BIRC6: variants seen among roughly 807,000 people sequenced by gnomAD.
BIRC6 encodes the protein baculoviral IAP repeat containing 6, also known as dual E2 ubiquitin-conjugating enzyme/E3 ubiquitin-protein ligase BIRC6.
Under a neutral mutation model 503.3 loss-of-function variants are expected in BIRC6, and 98 were observed. That is an observed-to-expected ratio of 0.19 (90% CI 0.17 to 0.23). The LOEUF is 0.23. Ranked by LOEUF, BIRC6 falls within the 10% of genes least tolerant of loss-of-function variation. The pLI, the probability that BIRC6 is intolerant of heterozygous loss-of-function variation, is 1.00. For synonymous variants in BIRC6, 2,240 were observed against 2,078.7 expected (o/e 1.08, Z -2.11); for missense variants, 5,360 against 5,806.0 (o/e 0.92, Z 2.50).
In BIRC6 at chr2:32,571,378, CT is replaced by C. The variant is rs61599835; in HGVS notation, c.13145-3754del. Among the ~76,000 whole-genome samples the C allele has an allele frequency of 7.0e-3, 142 of 20,318 alleles. No individual in the cohort carries two copies. In the East Asian group the frequency reaches 0.073, roughly 10 times the overall value. The allele number at this position is 20,318 out of a possible 152,430, so 13.3% of individuals were successfully genotyped here. ...GGCTGTGAATTCATGTGGTCCTGGG[CT>C]TTTTTTTTTTTTTTTTTTTTTTTGT... is the stretch of plus-strand genomic sequence containing the variant. On this transcript the variant is annotated intron_variant, in intron 65 of 73. Transcript: ENST00000421745.
chr2:32,614,585 TG>T (rs1305600025), intron 73 of BIRC6, among the ~76,000 whole-genome samples: 1 of 152,182 alleles, frequency 6.6e-6, no homozygotes, highest in African/African-American at 2.4e-5. Context: ...CCCAACACTT[TG>T]GGAGGCCAAG....
In BIRC6 at chr2:32,550,490, C is replaced by G. The variant is rs1248604767; in HGVS notation, c.13144+1009C>G. ...GACCTGTTTGATACATCAGACTGGTCTTTTTTAAAAAGTAGATGTCAAATG... is the reference window on the plus strand; with the variant it reads ...GACCTGTTTGATACATCAGACTGGTGTTTTTTAAAAAGTAGATGTCAAATG... On this transcript the variant is annotated intron_variant, in intron 65 of 73. Coordinates refer to ENST00000421745, the MANE Select transcript of BIRC6 (RefSeq NM_016252.4). Among the ~76,000 whole-genome samples the G allele has an allele frequency of 4.0e-5, 6 of 151,862 alleles. No individual in the cohort carries two copies. The East Asian group carries it at 7.7e-4, about 20-fold the overall frequency.
chr2:32,573,988 T>C (rs976909376), intron 65 of BIRC6, among the ~76,000 whole-genome samples: 24 of 152,268 alleles, frequency 1.6e-4, no homozygotes, highest in African/African-American at 5.5e-4. Flanking sequence ...CTTGATACTT[T>C]ACTTTTTTTT....
At chr2:32,435,919 A>G (rs1391550130) in intron 14 of BIRC6, 134 bp from the exon 15 acceptor site, 9 of 544,370 alleles carry the variant, frequency 1.7e-5, no homozygotes, top group Admixed American at 1.2e-4. Context: ...TAGCATGACA[A>G]TTCTTATTTT....
chr2:32,459,181 C>A (rs1420155211), intron 23 of BIRC6, among the ~76,000 whole-genome samples: 1 of 152,108 alleles, frequency 6.6e-6, no homozygotes, highest in Non-Finnish European at 1.5e-5. Flanking sequence ...ACTCTTCATC[C>A]ATTAGCGTTT....
intron 42 of BIRC6, among the ~76,000 whole-genome samples, chr2:32,489,268 C>T (rs914657196): frequency 3.3e-5 from 5 of 151,996 alleles, no homozygotes; most frequent in Admixed American, 6.6e-5. Context: ...GATGCTTTCT[C>T]TCTATAGTGA....
chr2:32,442,932 A>T (rs937423036), intron 19 of BIRC6, among the ~76,000 whole-genome samples: 1 of 152,176 alleles, frequency 6.6e-6, no homozygotes, highest in Non-Finnish European at 1.5e-5. Context: ...TGGAGACCTG[A>T]AACTGTAGCT....
At chr2:32,587,171 G>C (rs1303830932) in intron 66 of BIRC6, among the ~76,000 whole-genome samples, 1 of 152,188 alleles carries the variant, frequency 6.6e-6, no homozygotes. Flanking sequence ...CACAGATCAT[G>C]AGGTCAGGAG....
intron 61 of BIRC6, among the ~76,000 whole-genome samples, chr2:32,541,420 C>G (rs904483040): frequency 2.0e-5 from 3 of 152,060 alleles, no homozygotes; most frequent in African/African-American, 7.2e-5. Context: ...CAACTTAAGA[C>G]TGATCTAAGC....
intron 65 of BIRC6, among the ~76,000 whole-genome samples, chr2:32,550,057 A>G (rs2058322775): frequency 6.6e-6 from 1 of 152,220 alleles, no homozygotes; most frequent in South Asian, 2.1e-4. Flanking sequence ...TCCTAAGAAT[A>G]GAAAGTTACA....
At chr2:32,425,939 A>C (rs1422062073) in intron 10 of BIRC6, among the ~76,000 whole-genome samples, 2 of 152,218 alleles carry the variant, frequency 1.3e-5, no homozygotes, top group Non-Finnish European at 2.9e-5. Context: ...GTCAGGGCTG[A>C]GTATGGAGGG....
chr2:32,436,017 T>A (rs777798054), intron 14 of BIRC6, 36 bp from the exon 15 acceptor site: 2 of 1,244,438 alleles, frequency 1.6e-6, no homozygotes, highest in Non-Finnish European at 2.1e-6. Flanking sequence ...TTTAAATGAA[T>A]GAATTTAAAA....
chr2:32,363,075 G>T (rs1223792475), intron 1 of BIRC6, among the ~76,000 whole-genome samples: 2 of 152,056 alleles, frequency 1.3e-5, no homozygotes, highest in Non-Finnish European at 2.9e-5. Context: ...TCATGCCTGG[G>T]GTCCCAGCAC....
chr2:32,437,929 A>C (rs1170430078), intron 15 of BIRC6, among the ~76,000 whole-genome samples: 1 of 152,164 alleles, frequency 6.6e-6, no homozygotes, highest in African/African-American at 2.4e-5. Flanking sequence ...TTAAATTTTT[A>C]GGTGGAAATA....
In BIRC6 at chr2:32,415,565, T is replaced by G. The variant is rs758866614; in HGVS notation, c.2274T>G (p.Ser758Arg). Residue 758 changes from serine to arginine, a missense_variant, in exon 10 of 74, where the codon AGT becomes AGG. Ser to Arg is a moderately radical substitution (Grantham distance 110, BLOSUM62 -1). This residue lies in a region of BIRC6 where 700 missense variants were observed against 739.3 expected (regional missense o/e 0.95). Coordinates refer to ENST00000421745, the MANE Select transcript of BIRC6 (RefSeq NM_016252.4). ...GLRTCPVESL[S>R]AINQVEALNN... is the part of the protein sequence containing the mutation. ...GGACATGCCCTGTTGAATCCTTGAG[T>G]GCAATAAATCAAGTAGAGGCCTTGA... 1 of 1,613,900 alleles carries G rather than the reference T, an allele frequency of 6.2e-7. No homozygotes were observed. The highest frequency in any genetic ancestry group is 8.5e-7 in the Non-Finnish European group (1 of 1,179,866).
In BIRC6 at chr2:32,395,591, T is replaced by G. The variant is rs768680045; in HGVS notation, c.1032T>G (p.Pro344=). ...CLVCWEPTDE[P]WSEHERHSPN... ...TTTGTTGGGAACCTACTGATGAACC[T>G]TGGTGAGTCTTGATGTTTCTGGGCA... The change falls in exon 6 of 74, where the codon CCT becomes CCG. Residue 344 remains proline (P), a splice_region_variant and synonymous_variant. Coordinates refer to ENST00000421745, the MANE Select transcript of BIRC6 (RefSeq NM_016252.4). 1.7e-5 allele frequency: 27 copies of G among 1,605,692 alleles called. No individual in the cohort carries two copies. Among genetic ancestry groups the G allele is most frequent in the Non-Finnish European group, 2.2e-5 (26 of 1,172,530 alleles).
chr2:32,415,366 C>T lies in BIRC6; in HGVS notation c.2075C>T (p.Ala692Val). The T allele has an allele frequency of 6.2e-7, 1 of 1,614,024 alleles. No individual in the cohort carries two copies. The highest frequency in any genetic ancestry group is 8.5e-7 in the Non-Finnish European group (1 of 1,179,898). The stretch of plus-strand genomic sequence containing the variant: ...CCTGTGACTTACATTCAGCAATTTG[C>T]AGATGCAGCAGCCAACCTTACCTCT... Reference protein sequence around the residue: ...DPPVTYIQQFADAAANLTSPD... With the variant: ...DPPVTYIQQFVDAAANLTSPD... Residue 692 changes from alanine to valine, a missense_variant, in exon 10 of 74, where the codon GCA becomes GTA. Physicochemically the swap from Ala to Val is moderately conservative, Grantham distance 64. Around this residue, in one of 16 missense-constraint regions of BIRC6, gnomAD observed 700 missense variants for 739.3 expected, o/e 0.95. Coordinates refer to ENST00000421745, the MANE Select transcript of BIRC6 (RefSeq NM_016252.4).
At chr2:32,453,478 C>G (rs1378462428) in intron 22 of BIRC6, among the ~76,000 whole-genome samples, 2 of 152,064 alleles carry the variant, frequency 1.3e-5, no homozygotes, top group Non-Finnish European at 2.9e-5. Flanking sequence ...TTTTTCACCC[C>G]ATTTGAGATT....
intron 65 of BIRC6, among the ~76,000 whole-genome samples, chr2:32,561,055 G>A (rs964590779): frequency 2.6e-5 from 4 of 151,476 alleles, no homozygotes; most frequent in South Asian, 2.1e-4. Flanking sequence ...AAAATTAGCC[G>A]GGCGTGGTGG....
Sources: gnomAD v4.1 joint callset for allele counts (sites outside exome capture counted in the v4.1 genomes callset) on GRCh38, gnomAD v4.1.1 for gene constraint, gnomAD v4.1.1 regional missense constraint, MANE v1.5 for transcripts, NCBI Gene and HGNC (gene_info 2026-07-23, HGNC 2026-07-21) for gene names.